Variants in STON2 observed in about 807,000 individuals in gnomAD.
STON2 encodes the protein stonin-2.
A neutral mutation model predicts 65.7 loss-of-function variants in STON2; 29 were observed. That is an observed-to-expected ratio of 0.44 (90% CI 0.33 to 0.60). STON2 has a LOEUF of 0.60. STON2 is among the 20% of genes least tolerant of loss of function. STON2 has a pLI of 0.03. For missense variants in STON2, 1,054 were observed against 1,118.1 expected (o/e 0.94, Z 0.82); for synonymous variants, 404 against 414.2 (o/e 0.98, Z 0.30).
Position 81,261,941 on chromosome 14 carries a change from TGA to T in STON2, c.*6471_*6472del. The T allele has an allele frequency of 1.7e-6, 2 of 1,207,886 alleles. No individual in the cohort carries two copies. The highest frequency in any genetic ancestry group is 1.0e-6 in the Non-Finnish European group (1 of 981,878). The allele number at this position is 1,207,886 out of a possible 1,614,324, so 74.8% of individuals were successfully genotyped here. ...TGTCTGTTTCTGTTGTCTGGGGAAA[TGA>T]TAAAAAAAAAAAAAAAAAAGAGAGA... On this transcript the variant is annotated 3_prime_UTR_variant, in exon 8 of 8. Coordinates refer to ENST00000614646, the MANE Select transcript of STON2 (RefSeq NM_001394390.1).
chr14:81,300,751 G>T (rs116438877), intron 5 of STON2, among the ~76,000 whole-genome samples: 3,970 of 152,190 alleles, frequency 0.026, 179 homozygotes, highest in African/African-American at 0.092. Flanking sequence ...TTTAAAAATG[G>T]TTTGGCAGTT....
chr14:81,268,916 T>C lies in STON2; in HGVS notation c.2785-419A>G, dbSNP rs1304877026. 2.0e-5 allele frequency among the ~76,000 whole-genome samples: 3 copies of C among 152,228 alleles called. No homozygotes were observed. In the East Asian group the frequency reaches 5.8e-4, roughly 29 times the overall value. On this transcript the variant is annotated intron_variant, in intron 7 of 7. Coordinates refer to ENST00000614646, the MANE Select transcript of STON2 (RefSeq NM_001394390.1). ...TCTTGTTCAATATTTTATGCAATAA[T>C]GTAGGAATACAGTGGGCAATCGACA...
In STON2 at chr14:81,265,061, A is replaced by C. The variant is rs1894302037; in HGVS notation, c.*3353T>G. The C allele has an allele frequency of 1.0e-6, 1 of 982,866 alleles. No homozygotes were observed. Among genetic ancestry groups the C allele is most frequent in the Non-Finnish European group, 1.2e-6 (1 of 827,724 alleles). The allele number at this position is 982,866 out of a possible 1,614,324, so 60.9% of individuals were successfully genotyped here. ...AATATTTTCACATTATTGATAACAA[A>C]GATTATTTGTGACCACAAAAAAAAA... On this transcript the variant is annotated 3_prime_UTR_variant, in exon 8 of 8. Coordinates refer to ENST00000614646, the MANE Select transcript of STON2 (RefSeq NM_001394390.1).
chr14:81,333,544 G>A (rs1187362945), intron 4 of STON2, among the ~76,000 whole-genome samples: 1 of 152,186 alleles, frequency 6.6e-6, no homozygotes, highest in Non-Finnish European at 1.5e-5. Flanking sequence ...CTAGTAAGTA[G>A]GGAAGCCAGT....
intron 3 of STON2, among the ~76,000 whole-genome samples, chr14:81,374,481 G>C (rs1447657420): frequency 6.6e-6 from 1 of 152,052 alleles, no homozygotes; most frequent in Non-Finnish European, 1.5e-5. Context: ...AAAGTGTGTG[G>C]GTGGGTGGGG....
At chr14:81,426,035 T>C (rs1176736119) in intron 2 of STON2, among the ~76,000 whole-genome samples, 2 of 152,242 alleles carry the variant, frequency 1.3e-5, no homozygotes, top group Non-Finnish European at 2.9e-5. Context: ...GGTGAGAATC[T>C]TTCAAGACAT....
At chr14:81,406,604 T>C (rs1186212595) in intron 2 of STON2, among the ~76,000 whole-genome samples, 2 of 152,148 alleles carry the variant, frequency 1.3e-5, no homozygotes, top group Non-Finnish European at 2.9e-5. Context: ...CAGACCCTCC[T>C]TGAGAACATG....
At chr14:81,323,065 T>C (rs1281223501) in intron 5 of STON2, among the ~76,000 whole-genome samples, 1 of 152,250 alleles carries the variant, frequency 6.6e-6, no homozygotes, top group East Asian at 1.9e-4. Flanking sequence ...CAAATTAACT[T>C]TACATGTAGC....
chr14:81,433,163 C>A (rs922105024), intron 1 of STON2, among the ~76,000 whole-genome samples: 1 of 152,194 alleles, frequency 6.6e-6, no homozygotes, highest in East Asian at 1.9e-4. Flanking sequence ...TGAGAGAGCA[C>A]GTGCATTTTA....
Position 81,263,001 on chromosome 14 carries a change from T to G in STON2, c.*5413A>C, listed in dbSNP as rs1455014526. ...ATGTTTAGAAATCATCTTTAGAAACTTGGTGAGAATGCCCTAATTTTATGT... is the reference window on the plus strand; with the variant it reads ...ATGTTTAGAAATCATCTTTAGAAACGTGGTGAGAATGCCCTAATTTTATGT... On this transcript the variant is annotated 3_prime_UTR_variant, in exon 8 of 8. Transcript: ENST00000614646. 2 of 985,330 alleles carry G rather than the reference T, an allele frequency of 2.0e-6. No homozygotes were observed. Among genetic ancestry groups the G allele is most frequent in the Non-Finnish European group, 2.4e-6 (2 of 829,920 alleles). The allele number at this position is 985,330 out of a possible 1,614,324, so 61.0% of individuals were successfully genotyped here.
rs1894403952 is a variant in STON2 at position 81,267,516 on chromosome 14, G to T, written c.*898C>A. On this transcript the variant is annotated 3_prime_UTR_variant, in exon 8 of 8. Coordinates refer to ENST00000614646, the MANE Select transcript of STON2 (RefSeq NM_001394390.1). ...GAACTCCCAAATGCCCCTTACAAAT[G>T]CCTCAGGTATTATGTATATTTGTTT... The T allele has an allele frequency of 1.0e-6, 1 of 985,086 alleles. No individual in the cohort carries two copies. Among genetic ancestry groups the T allele is most frequent in the Non-Finnish European group, 1.2e-6 (1 of 829,772 alleles). 61.0% of individuals were successfully genotyped at this position (985,086 alleles called of 1,614,324 possible).
chr14:81,430,882 A>G (rs1902199869), intron 1 of STON2, among the ~76,000 whole-genome samples: 1 of 152,222 alleles, frequency 6.6e-6, no homozygotes, highest in African/African-American at 2.4e-5. Flanking sequence ...TGAATTGTTC[A>G]GCATTTCAAA....
chr14:81,263,259 C>T lies in STON2; in HGVS notation c.*5155G>A. The T allele has an allele frequency of 4.0e-6, 3 of 752,714 alleles. No homozygotes were observed. The highest frequency in any genetic ancestry group is 4.9e-6 in the Non-Finnish European group (3 of 617,746). The allele number at this position is 752,714 out of a possible 1,614,324, so 46.6% of individuals were successfully genotyped here. On this transcript the variant is annotated 3_prime_UTR_variant, in exon 8 of 8. Transcript: ENST00000614646. ...TTCTTAAAACATTATGCTATTTTGG[C>T]CAGGCGCGGCGGCTCATGCCTGTTA... is the stretch of plus-strand genomic sequence containing the variant.
chr14:81,381,033 T>C (rs994794420), intron 3 of STON2, among the ~76,000 whole-genome samples: 16 of 152,254 alleles, frequency 1.1e-4, no homozygotes, highest in Non-Finnish European at 1.9e-4. Context: ...ACAAGCAGAA[T>C]CATACTATTT....
rs530699963 is a variant in STON2, at chr14:81,262,249, C to G, written c.*6165G>C. On this transcript the variant is annotated 3_prime_UTR_variant, in exon 8 of 8. Transcript: ENST00000614646. ...GTCCTGTAAAGATTCACAGAAACCC[C>G]AATTTCCCCTTAATAAATCCATTAT... The G allele has an allele frequency of 8.0e-5, 79 of 985,438 alleles. No individual in the cohort carries two copies. The South Asian group carries it at 3.2e-3, about 40-fold the overall frequency. The allele number at this position is 985,438 out of a possible 1,614,324, so 61.0% of individuals were successfully genotyped here.
At chr14:81,367,326 G>A (rs947304890) in intron 4 of STON2, among the ~76,000 whole-genome samples, 8 of 151,970 alleles carry the variant, frequency 5.3e-5, no homozygotes, top group South Asian at 4.2e-4. Flanking sequence ...TTACAGGCGC[G>A]CCACTATGCC....
At chr14:81,427,646 A>C (rs1902045917) in intron 1 of STON2, among the ~76,000 whole-genome samples, 1 of 152,110 alleles carries the variant, frequency 6.6e-6, no homozygotes, top group African/African-American at 2.4e-5. Flanking sequence ...GGATTTACTC[A>C]AATAGATCCT....
intron 5 of STON2, among the ~76,000 whole-genome samples, chr14:81,295,186 G>T (rs1432472394): frequency 6.6e-6 from 1 of 152,150 alleles, no homozygotes; most frequent in Admixed American, 6.5e-5. Context: ...TTAGCCGGCT[G>T]TGGTGGCGGG....
intron 3 of STON2, among the ~76,000 whole-genome samples, chr14:81,383,448 T>C (rs1899632785): frequency 6.6e-6 from 1 of 152,214 alleles, no homozygotes; most frequent in Non-Finnish European, 1.5e-5. Flanking sequence ...GACATCTCCA[T>C]CTGGGTCTCT....
Sources: gnomAD v4.1 joint callset for allele counts (sites outside exome capture counted in the v4.1 genomes callset) on GRCh38, gnomAD v4.1.1 for gene constraint, MANE v1.5 for transcripts, NCBI Gene and HGNC (gene_info 2026-07-23, HGNC 2026-07-21) for gene names.